Variants in FAM228B observed in about 807,000 individuals in gnomAD.
The protein encoded by FAM228B is protein FAM228B.
Under a neutral mutation model 42.6 loss-of-function variants are expected in FAM228B, and 38 were observed. That is an observed-to-expected ratio of 0.89 (90% CI 0.69 to 1.17). The LOEUF is 1.17. Ranked by LOEUF, FAM228B falls within the 50% of genes most tolerant of loss-of-function variation. The probability of loss-of-function intolerance (pLI) is 0.00; values close to 1 mark genes in which losing one functional copy is unlikely to be tolerated. For missense variants in FAM228B, 344 were observed against 367.3 expected (o/e 0.94, Z 0.52); for synonymous variants, 109 against 122.3 (o/e 0.89, Z 0.72).
intron 1 of FAM228B, among the ~76,000 whole-genome samples, chr2:24,078,722 ACC>A: frequency 6.6e-6 from 1 of 152,178 alleles, no homozygotes; most frequent in South Asian, 2.1e-4. Context: ...AAGTGTCTTT[ACC>A]CAGGAGGCAG....
intron 10 of FAM228B, 188 bp downstream of exon 10, chr2:24,167,871 C>A: frequency 1.6e-6 from 1 of 622,814 alleles, no homozygotes; most frequent in Non-Finnish European, 2.6e-6. Flanking sequence ...CTGGGCTTGG[C>A]AGGGGTTTGA....
intron 2 of FAM228B, among the ~76,000 whole-genome samples, chr2:24,134,521 G>A (rs914771950): frequency 5.3e-5 from 8 of 152,188 alleles, no homozygotes; most frequent in Admixed American, 3.3e-4. Flanking sequence ...GCATTTTATA[G>A]GAAGTGAAAA....
At chr2:24,092,726 C>T (rs539341602) in intron 2 of FAM228B, among the ~76,000 whole-genome samples, 2 of 152,112 alleles carry the variant, frequency 1.3e-5, no homozygotes, top group Admixed American at 1.3e-4. Context: ...ATCATAGTAA[C>T]AAAAATTTAG....
chr2:24,136,245 G>A (rs79386807), intron 3 of FAM228B, among the ~76,000 whole-genome samples: 6 of 150,522 alleles, frequency 4.0e-5, no homozygotes, highest in Admixed American at 2.6e-4. Context: ...ATTTTTTTTT[G>A]AAACGGAGTC....
chr2:24,139,527 C>A, intron 5 of FAM228B, 77 bp downstream of exon 5: 1 of 728,242 alleles, frequency 1.4e-6, no homozygotes, highest in Non-Finnish European at 2.3e-6. Context: ...ATGAGCAGTC[C>A]TTAAGCGATT....
chr2:24,163,684 GA>G (rs1667333253), intron 8 of FAM228B, among the ~76,000 whole-genome samples: 1 of 152,096 alleles, frequency 6.6e-6, no homozygotes, highest in South Asian at 2.1e-4. Context: ...GATATAAAAG[GA>G]GAGATTTTGT....
At chr2:24,101,814 C>G (rs2150996280) in intron 3 of FAM228B, among the ~76,000 whole-genome samples, 1 of 152,306 alleles carries the variant, frequency 6.6e-6, no homozygotes, top group African/African-American at 2.4e-5. Context: ...TCTTGAGTAG[C>G]TGGGACTACA....
chr2:24,100,803 CAT>C (rs1387556711), intron 3 of FAM228B, among the ~76,000 whole-genome samples: 2 of 152,196 alleles, frequency 1.3e-5, no homozygotes, highest in African/African-American at 4.8e-5. Context: ...ACTATAAAGA[CAT>C]ATGCACACGT....
At chr2:24,097,993 A>T (rs1396118445) in intron 3 of FAM228B, among the ~76,000 whole-genome samples, 1 of 152,212 alleles carries the variant, frequency 6.6e-6, no homozygotes, top group African/African-American at 2.4e-5. Flanking sequence ...TCAAATCCAC[A>T]CAACTACATG....
chr2:24,083,503 A>G (rs1284890511), intron 2 of FAM228B, among the ~76,000 whole-genome samples: 1 of 152,024 alleles, frequency 6.6e-6, no homozygotes, highest in African/African-American at 2.4e-5. Flanking sequence ...CTCTGTGCTC[A>G]CTCACCCCAG....
At position 24,077,835 on chromosome 2, in the gene FAM228B, C is replaced by T. The variant is rs2150981682; in HGVS notation, c.-290+866C>T. 6.6e-7 allele frequency: 1 copy of T among 1,511,386 alleles called. No homozygotes were observed. 93.6% of individuals were successfully genotyped at this position (1,511,386 alleles called of 1,614,324 possible). On this transcript the variant is annotated intron_variant, in intron 1 of 10. Transcript: ENST00000613899. The surrounding 1 kb of genome is among the most constrained non-coding windows in gnomAD (Gnocchi z 5.5). The stretch of plus-strand genomic sequence containing the variant: ...TGCCCTCCTCATCCTCCTCAGCCTT[C>T]TTGCTCTCTCTGAAGCCACGTATCT...
At chr2:24,159,037 GTC>G (rs1249466350) in intron 7 of FAM228B, among the ~76,000 whole-genome samples, 1 of 152,170 alleles carries the variant, frequency 6.6e-6, no homozygotes, top group Non-Finnish European at 1.5e-5. Flanking sequence ...TATCTCTGCA[GTC>G]TCTGTCTCCA....
At chr2:24,140,628 A>G (rs1176528455) in intron 5 of FAM228B, among the ~76,000 whole-genome samples, 1 of 152,202 alleles carries the variant, frequency 6.6e-6, no homozygotes, top group Admixed American at 6.5e-5. Flanking sequence ...ATACCTTGTT[A>G]TTAACTATAG....
At chr2:24,155,894 G>A (rs1667131708) in intron 7 of FAM228B, among the ~76,000 whole-genome samples, 1 of 152,036 alleles carries the variant, frequency 6.6e-6, no homozygotes, top group Non-Finnish European at 1.5e-5. Context: ...TCCTATAGAG[G>A]AACAGCTTCT....
chr2:24,142,228 TC>T (rs1261480798), intron 5 of FAM228B, among the ~76,000 whole-genome samples: 2 of 152,096 alleles, frequency 1.3e-5, no homozygotes, highest in Non-Finnish European at 2.9e-5. Flanking sequence ...CCTTTCAATT[TC>T]CCCAGTACAG....
intron 7 of FAM228B, among the ~76,000 whole-genome samples, chr2:24,151,448 G>A (rs1386728102): frequency 6.6e-6 from 1 of 151,206 alleles, no homozygotes; most frequent in Non-Finnish European, 1.5e-5. Context: ...CCACCACCAC[G>A]TCCGGCTAAT....
Position 24,138,058 on chromosome 2 carries a change from G to C in FAM228B, c.318G>C (p.Arg106Ser). The change falls in exon 4 of 11, where the codon AGG (arginine) becomes AGC (serine). Residue 106 changes from arginine to serine, a missense_variant. Arg to Ser is a moderately radical substitution (Grantham distance 110, BLOSUM62 -1). Transcript: ENST00000615575. ...VCSHKKIKKRRQGELDGFLKH... is the reference protein window; with the variant it reads ...VCSHKKIKKRSQGELDGFLKH... ...CACATAAGAAGATTAAAAAAAGGAG[G>C]CAAGGGGAATTAGATGGCTTTTTAA... 1.9e-6 allele frequency: 3 copies of C among 1,539,332 alleles called. No individual in the cohort carries two copies. Among genetic ancestry groups the C allele is most frequent in the Non-Finnish European group, 2.6e-6 (3 of 1,144,274 alleles).
intron 7 of FAM228B, among the ~76,000 whole-genome samples, chr2:24,153,655 C>G (rs975133695): frequency 1.3e-5 from 2 of 152,186 alleles, no homozygotes; most frequent in Non-Finnish European, 2.9e-5. Flanking sequence ...GCTGCACTGC[C>G]TGGGGTTGGG....
chr2:24,088,486 G>T (rs924696014), intron 2 of FAM228B, among the ~76,000 whole-genome samples: 1 of 152,070 alleles, frequency 6.6e-6, no homozygotes, highest in African/African-American at 2.4e-5. Flanking sequence ...AAGTAGCTGG[G>T]ATTACAGGCA....
Sources: gnomAD v4.1 joint callset for allele counts (sites outside exome capture counted in the v4.1 genomes callset) on GRCh38, gnomAD v4.1.1 for gene constraint, Gnocchi (gnomAD v3.1) non-coding constraint, MANE v1.5 for transcripts, NCBI Gene and HGNC (gene_info 2026-07-23, HGNC 2026-07-21) for gene names.